The following STX18 variants were observed in gnomAD, a reference collection of about 807,000 sequenced individuals.
The protein encoded by STX18 is syntaxin-18.
STX18 carries 40 observed loss-of-function variants against 50.1 expected under a neutral mutation model. That is an observed-to-expected ratio of 0.80 (90% CI 0.62 to 1.04). The LOEUF (loss-of-function observed/expected upper bound fraction) is 1.04, where lower values mean the gene tolerates loss of function less well. STX18 is among the 50% of genes least tolerant of loss of function. The pLI, the probability that STX18 is intolerant of heterozygous loss-of-function variation, is 0.00. For missense variants in STX18, 410 were observed against 415.8 expected, an observed-to-expected ratio of 0.99 and a Z score of 0.12; for synonymous variants, 158 against 151.8, an observed-to-expected ratio of 1.04 and a Z score of -0.30.
At chr4:4,533,704 C>A (rs548995904) in intron 1 of STX18, among the ~76,000 whole-genome samples, 2 of 152,284 alleles carry the variant, frequency 1.3e-5, no homozygotes, top group East Asian at 3.9e-4. Context: ...ATGAAGCCAG[C>A]CCCTGATGGG....
chr4:4,461,981 C>T (rs1478224390), intron 2 of STX18: 2 of 456,200 alleles, frequency 4.4e-6, no homozygotes, highest in African/African-American at 4.0e-5. Flanking sequence ...TGTCTGTGCT[C>T]CAGGGGCTGC....
At chr4:4,449,287 TCCTC>T (rs77550742) in intron 5 of STX18, among the ~76,000 whole-genome samples, 55,407 of 151,300 alleles carry the variant, frequency 0.37, 14,717 homozygotes, top group African/African-American at 0.76. Context: ...CCTCAAGCAA[TCCTC>T]CCTCCCACCT....
intron 7 of STX18, among the ~76,000 whole-genome samples, chr4:4,434,476 G>A (rs577619184): frequency 1.3e-5 from 2 of 152,150 alleles, no homozygotes; most frequent in Non-Finnish European, 1.5e-5. Context: ...ATTTATAAAA[G>A]ACCCATTTAG....
chr4:4,541,465 C>T (rs1472600741), intron 1 of STX18, among the ~76,000 whole-genome samples: 1 of 152,122 alleles, frequency 6.6e-6, no homozygotes, highest in Non-Finnish European at 1.5e-5. Context: ...GGAGGTTTCC[C>T]CTGAGTGCAA....
At chr4:4,463,961 G>A (rs978026385) in intron 2 of STX18, among the ~76,000 whole-genome samples, 3 of 152,016 alleles carry the variant, frequency 2.0e-5, no homozygotes, top group Non-Finnish European at 4.4e-5. Flanking sequence ...AATTCAACTA[G>A]GGTATAATTA....
At position 4,420,136 on chromosome 4, in the gene STX18, A is replaced by C; in HGVS notation, c.913-7T>G. On this transcript the variant is annotated splice_region_variant and splice_polypyrimidine_tract_variant and intron_variant, in intron 10 of 10. Coordinates refer to ENST00000306200, the MANE Select transcript of STX18 (RefSeq NM_016930.4). This position sits in a 1 kb window ranked among gnomAD's most constrained non-coding sequence, Gnocchi z 4.3. Reference sequence around the variant, plus strand: ...CAGCGTTGTTTTTAATGGCCTGGGCAGGGACGGGAGCACAGGTGTTTTTAT... The same window carrying C: ...CAGCGTTGTTTTTAATGGCCTGGGCCGGGACGGGAGCACAGGTGTTTTTAT... 6.2e-7 allele frequency: 1 copy of C among 1,605,458 alleles called. No homozygotes were observed. The highest frequency in any genetic ancestry group is 1.3e-5 in the African/African-American group (1 of 74,826).
chr4:4,438,143 C>A (rs957907938), intron 6 of STX18, among the ~76,000 whole-genome samples: 10 of 152,236 alleles, frequency 6.6e-5, no homozygotes, highest in Admixed American at 6.5e-4. Flanking sequence ...CGGCCTCACC[C>A]CTCCAGCAGG....
chr4:4,460,648 C>G (rs981602354), intron 2 of STX18, among the ~76,000 whole-genome samples: 7 of 152,214 alleles, frequency 4.6e-5, no homozygotes, highest in African/African-American at 1.7e-4. Flanking sequence ...AATCCCACAG[C>G]CTCCAGCCTC....
At chr4:4,472,086 A>G (rs1242690135) in intron 1 of STX18, among the ~76,000 whole-genome samples, 1 of 152,250 alleles carries the variant, frequency 6.6e-6, no homozygotes, top group Admixed American at 6.5e-5. Context: ...TCTAAGGGAC[A>G]GTTCTAAAGC....
In STX18 at chr4:4,434,775, G is replaced by C; in HGVS notation, c.697C>G (p.Gln233Glu). The C allele has an allele frequency of 6.2e-7, 1 of 1,605,116 alleles. No individual in the cohort carries two copies. Residue 233 changes from glutamine to glutamate, a missense_variant, in exon 7 of 11, where the codon CAA becomes GAA. Transcript: ENST00000306200. ...TAGGCAGAGAATAGCATTACCATTT[G>C]TATTTCTTCTGGGGATAACTCATCT... ...GEDELSPEEI[Q>E]MFEQENQRLI...
At chr4:4,525,151 T>TTAAAAGGC (rs1331693761) in intron 1 of STX18, among the ~76,000 whole-genome samples, 1 of 152,178 alleles carries the variant, frequency 6.6e-6, no homozygotes, top group Non-Finnish European at 1.5e-5. Context: ...AACCAATGTT[T>TTAAAAGGC]CTTTTTGAAA....
At chr4:4,533,244 C>T (rs1319122450) in intron 1 of STX18, among the ~76,000 whole-genome samples, 1 of 152,098 alleles carries the variant, frequency 6.6e-6, no homozygotes, top group Non-Finnish European at 1.5e-5. Flanking sequence ...ATGTAATACG[C>T]TTTAAACATA....
intron 1 of STX18, among the ~76,000 whole-genome samples, chr4:4,539,946 T>A (rs930911354): frequency 4.6e-5 from 7 of 152,160 alleles, no homozygotes; most frequent in African/African-American, 1.7e-4. Context: ...ACAGTGTTAA[T>A]AAATCAGTGG....
chr4:4,522,109 CA>C (rs1730533565), intron 1 of STX18, among the ~76,000 whole-genome samples: 1 of 152,256 alleles, frequency 6.6e-6, no homozygotes, highest in Non-Finnish European at 1.5e-5. Context: ...TTTCATTAAA[CA>C]ATATTTGTTT....
At chr4:4,454,211 CAAG>C (rs930999401) in intron 5 of STX18, among the ~76,000 whole-genome samples, 2 of 152,124 alleles carry the variant, frequency 1.3e-5, no homozygotes, top group African/African-American at 4.8e-5. Context: ...GAGGAAAGGA[CAAG>C]AAGGAGGGTG....
intron 1 of STX18, among the ~76,000 whole-genome samples, chr4:4,503,280 T>A (rs1429172983): frequency 6.6e-6 from 1 of 152,176 alleles, no homozygotes; most frequent in Non-Finnish European, 1.5e-5. Flanking sequence ...ATATTAAACC[T>A]TGTCAGATTC....
At chr4:4,459,932 T>C (rs1409986474) in intron 2 of STX18, among the ~76,000 whole-genome samples, 2 of 152,196 alleles carry the variant, frequency 1.3e-5, no homozygotes, top group East Asian at 3.8e-4. Context: ...GTTGGTTGTC[T>C]CCTCCTTCTG....
At chr4:4,536,456 G>A (rs894103070) in intron 1 of STX18, among the ~76,000 whole-genome samples, 4 of 152,278 alleles carry the variant, frequency 2.6e-5, no homozygotes, top group East Asian at 3.9e-4. Context: ...GCCACTTTAC[G>A]CAGGGCATTC....
chr4:4,512,551 C>T (rs1730052030), intron 1 of STX18, among the ~76,000 whole-genome samples: 1 of 152,092 alleles, frequency 6.6e-6, no homozygotes, highest in South Asian at 2.1e-4. Context: ...TAGGTATGTG[C>T]CACAATCATC....
Sources: gnomAD v4.1 joint callset for allele counts (sites outside exome capture counted in the v4.1 genomes callset) on GRCh38, gnomAD v4.1.1 for gene constraint, Gnocchi (gnomAD v3.1) non-coding constraint, MANE v1.5 for transcripts, NCBI Gene and HGNC (gene_info 2026-07-23, HGNC 2026-07-21) for gene names.